PDE11A: variants seen among roughly 807,000 people sequenced by gnomAD.
PDE11A encodes dual 3',5'-cyclic-AMP and -GMP phosphodiesterase 11A.
In PDE11A, 100 loss-of-function variants were observed where a neutral mutation model predicts 100.5. The ratio of observed to expected loss-of-function variants is 1.00; its 90% CI spans 0.85 to 1.18. PDE11A has a LOEUF of 1.18. PDE11A is among the 50% of genes most tolerant of loss of function. The probability of loss-of-function intolerance (pLI) is 0.00; values close to 1 mark genes in which losing one functional copy is unlikely to be tolerated. For synonymous variants in PDE11A, 381 were observed against 420.8 expected (o/e 0.91, Z 1.16); for missense variants, 1,141 against 1,152.6 (o/e 0.99, Z 0.15).
chr2:178,007,526 T>C (rs189787958), intron 2 of PDE11A, among the ~76,000 whole-genome samples: 37 of 152,284 alleles, frequency 2.4e-4, no homozygotes, highest in Admixed American at 7.9e-4. Context: ...AATAGTGCTG[T>C]GAGTAGATCA....
intron 2 of PDE11A, among the ~76,000 whole-genome samples, chr2:177,923,838 G>A (rs751352756): frequency 9.9e-5 from 15 of 152,000 alleles, no homozygotes; most frequent in Non-Finnish European, 1.9e-4. Context: ...AAAATATTCC[G>A]GAATTCTTAA....
At chr2:178,062,085 C>T (rs1160828141) in intron 1 of PDE11A, among the ~76,000 whole-genome samples, 3 of 152,124 alleles carry the variant, frequency 2.0e-5, no homozygotes, top group African/African-American at 7.2e-5. Flanking sequence ...TCCTCTTGTT[C>T]ATTCATTTTA....
intron 19 of PDE11A, among the ~76,000 whole-genome samples, chr2:177,643,116 A>G (rs2080168747): frequency 6.6e-6 from 1 of 152,232 alleles, no homozygotes; most frequent in Non-Finnish European, 1.5e-5. Context: ...AAACGGACCA[A>G]TACAGTAAAT....
intron 4 of PDE11A, among the ~76,000 whole-genome samples, chr2:177,878,489 C>A (rs1231490669): frequency 6.6e-6 from 1 of 152,128 alleles, no homozygotes; most frequent in African/African-American, 2.4e-5. Flanking sequence ...GCAAGAAGTG[C>A]AACTACCCTC....
chr2:178,057,754 G>T (rs1332274614), intron 1 of PDE11A, among the ~76,000 whole-genome samples: 2 of 152,194 alleles, frequency 1.3e-5, no homozygotes, highest in Non-Finnish European at 2.9e-5. Context: ...ACAGCCTGGA[G>T]CATGATAGCC....
chr2:178,089,371 A>C (rs2087394327), intron 2 of PDE11A, among the ~76,000 whole-genome samples: 1 of 152,210 alleles, frequency 6.6e-6, no homozygotes, highest in Admixed American at 6.5e-5. Context: ...CTCAACTATA[A>C]ATACAACAAG....
intron 5 of PDE11A, among the ~76,000 whole-genome samples, chr2:177,859,787 G>T (rs1449703636): frequency 6.6e-6 from 1 of 151,770 alleles, no homozygotes; most frequent in Non-Finnish European, 1.5e-5. Context: ...AACACAATGT[G>T]ATAGAATTAG....
intron 10 of PDE11A, among the ~76,000 whole-genome samples, chr2:177,736,309 C>T (rs751561893): frequency 1.9e-4 from 29 of 151,744 alleles, no homozygotes; most frequent in East Asian, 3.9e-4. Context: ...GTCAGGAGTT[C>T]GAGACCAGCC....
At chr2:177,634,391 T>TTA (rs1553529837) in intron 19 of PDE11A, among the ~76,000 whole-genome samples, 1 of 78,880 alleles carries the variant, frequency 1.3e-5, no homozygotes, top group Non-Finnish European at 3.1e-5. Context: ...TCTCTCTCTC[T>TTA]TTTTTTTTTT....
chr2:177,645,959 C>T (rs2105453147), intron 19 of PDE11A, among the ~76,000 whole-genome samples: 1 of 152,316 alleles, frequency 6.6e-6, no homozygotes, highest in Admixed American at 6.5e-5. Flanking sequence ...CTCCTTCTTT[C>T]TTTTCTCTTT....
At chr2:178,015,536 A>C (rs540655592) in intron 1 of PDE11A, among the ~76,000 whole-genome samples, 2 of 152,260 alleles carry the variant, frequency 1.3e-5, no homozygotes, top group South Asian at 4.1e-4. Context: ...CTTTACTAGA[A>C]ATTCCGAAAA....
intron 19 of PDE11A, among the ~76,000 whole-genome samples, chr2:177,641,099 T>C (rs1332730094): frequency 6.6e-6 from 1 of 152,188 alleles, no homozygotes; most frequent in African/African-American, 2.4e-5. Flanking sequence ...GAAGCCACCA[T>C]GGAGCAGTCA....
intron 4 of PDE11A, among the ~76,000 whole-genome samples, chr2:177,880,163 C>T (rs945985050): frequency 3.3e-5 from 5 of 152,142 alleles, no homozygotes; most frequent in African/African-American, 9.7e-5. Flanking sequence ...GGCCTTTGTC[C>T]TTGGCTCCTG....
chr2:177,877,256 C>T (rs2084256371), intron 4 of PDE11A, among the ~76,000 whole-genome samples: 2 of 145,702 alleles, frequency 1.4e-5, no homozygotes, highest in Non-Finnish European at 3.0e-5. Flanking sequence ...CCTCCGCCTC[C>T]CGGGTTCAAG....
chr2:177,919,606 C>A (rs1234156353), intron 2 of PDE11A, among the ~76,000 whole-genome samples: 1 of 151,874 alleles, frequency 6.6e-6, no homozygotes, highest in Non-Finnish European at 1.5e-5. Flanking sequence ...ATCCAATACC[C>A]AATGGCTATA....
At chr2:177,877,289 C>T (rs2084257001) in intron 4 of PDE11A, among the ~76,000 whole-genome samples, 1 of 148,312 alleles carries the variant, frequency 6.7e-6, no homozygotes, top group Admixed American at 6.7e-5. Context: ...CTCAGCCTCC[C>T]AAGTCGCTGG....
intron 12 of PDE11A, among the ~76,000 whole-genome samples, chr2:177,726,033 A>G (rs1264546440): frequency 6.6e-6 from 1 of 152,178 alleles, no homozygotes; most frequent in African/African-American, 2.4e-5. Flanking sequence ...ATCTGTACAC[A>G]AAACATTATA....
chr2:177,711,994 T>A, intron 12 of PDE11A, 116 bp from the exon 13 acceptor site: 1 of 656,910 alleles, frequency 1.5e-6, no homozygotes, highest in Non-Finnish European at 2.8e-6. Flanking sequence ...AGGAGATGAT[T>A]AACTGCCACT....
At chr2:177,848,842 C>G (rs542979246) in intron 5 of PDE11A, among the ~76,000 whole-genome samples, 18 of 152,094 alleles carry the variant, frequency 1.2e-4, no homozygotes, top group African/African-American at 4.1e-4. Context: ...GTCTGAAAGT[C>G]CTGGCTTAGC....
Sources: gnomAD v4.1 joint callset for allele counts (sites outside exome capture counted in the v4.1 genomes callset) on GRCh38, gnomAD v4.1.1 for gene constraint, MANE v1.5 for transcripts, NCBI Gene and HGNC (gene_info 2026-07-23, HGNC 2026-07-21) for gene names.